DGKI: variants seen among roughly 807,000 people sequenced by gnomAD.
DGKI encodes diacylglycerol kinase iota.
Under a neutral mutation model 147.5 loss-of-function variants are expected in DGKI, and 55 were observed. That is an observed-to-expected ratio of 0.37 (90% CI 0.30 to 0.47). The LOEUF is 0.47. Among genes scored for constraint, DGKI ranks in the 20% least tolerant of loss-of-function variants. The probability of loss-of-function intolerance (pLI) is 1.00; values close to 1 mark genes in which losing one functional copy is unlikely to be tolerated. For synonymous variants in DGKI, 469 were observed against 477.1 expected (o/e 0.98, Z 0.22); for missense variants, 1,007 against 1,323.8 (o/e 0.76, Z 3.71).
rs1383387447 is a variant in DGKI, at chr7:137,638,615, C to CATATGTGTGTATATAT, written c.804+6856_804+6857insATATATACACACATAT. Among the ~76,000 whole-genome samples, 15 of 8,230 alleles carry CATATGTGTGTATATAT rather than the reference C, an allele frequency of 1.8e-3. 2 individuals are homozygous for CATATGTGTGTATATAT. The highest frequency in any genetic ancestry group is 4.4e-3 in the African/African-American group (15 of 3,402). 5.4% of individuals were successfully genotyped at this position (8,230 alleles called of 152,430 possible). ...ATATACATATATGTATATATATACA[C>CATATGTGTGTATATAT]ACACACATATATATGTGTGTATATA... On this transcript the variant is annotated intron_variant, in intron 6 of 32. Coordinates refer to ENST00000614521, the MANE Select transcript of DGKI (RefSeq NM_001321708.2).
At chr7:137,469,438 A>T in intron 24 of DGKI, 112 bp downstream of exon 24, 1 of 1,076,918 alleles carries the variant, frequency 9.3e-7, no homozygotes, top group Non-Finnish European at 1.4e-6. Context: ...GTGGAGTCAC[A>T]TGAAGGCTTT....
At chr7:137,685,784 G>A (rs778828528) in intron 2 of DGKI, among the ~76,000 whole-genome samples, 34 of 152,150 alleles carry the variant, frequency 2.2e-4, no homozygotes, top group Non-Finnish European at 4.3e-4. Context: ...TACTGTGTGC[G>A]CCTTAAAATC....
In DGKI at chr7:137,494,738, G is replaced by T. The variant is rs1815896362; in HGVS notation, c.2249-7049C>A. On this transcript the variant is annotated intron_variant, in intron 21 of 32. Transcript: ENST00000614521. ...AAAACATGCCTAAATACCCAGACCAGTGATACTATAAAGCAATCACACAAA... is the reference window on the plus strand; with the variant it reads ...AAAACATGCCTAAATACCCAGACCATTGATACTATAAAGCAATCACACAAA... Among the ~76,000 whole-genome samples the T allele has an allele frequency of 1.3e-5, 2 of 152,114 alleles. 1 individual carries two copies. Among genetic ancestry groups the T allele is most frequent in the South Asian group, 4.1e-4 (2 of 4,824 alleles).
At chr7:137,551,731 T>C (rs922902801) in intron 20 of DGKI, among the ~76,000 whole-genome samples, 6 of 152,152 alleles carry the variant, frequency 3.9e-5, no homozygotes, top group African/African-American at 1.4e-4. Flanking sequence ...TTAAAATGCC[T>C]AAGAAAGGAA....
At chr7:137,681,819 G>C (rs1275560026) in intron 2 of DGKI, among the ~76,000 whole-genome samples, 2 of 152,404 alleles carry the variant, frequency 1.3e-5, no homozygotes, top group African/African-American at 4.8e-5. Context: ...AGTCCTGCCT[G>C]ATAAAAGTGT....
intron 14 of DGKI, among the ~76,000 whole-genome samples, chr7:137,582,496 A>AG (rs1819239291): frequency 6.6e-6 from 1 of 152,026 alleles, no homozygotes; most frequent in Non-Finnish European, 1.5e-5. Context: ...TATAAAAAAT[A>AG]GGGCAATGTG....
At chr7:137,664,951 A>G (rs1822581450) in intron 3 of DGKI, among the ~76,000 whole-genome samples, 1 of 152,178 alleles carries the variant, frequency 6.6e-6, no homozygotes, top group African/African-American at 2.4e-5. Context: ...TTTGACAAAC[A>G]CCCAAAGGAA....
intron 3 of DGKI, among the ~76,000 whole-genome samples, chr7:137,675,683 CAAAAA>C (rs61282606): frequency 0.46 from 49,117 of 107,476 alleles, 10,192 homozygotes; most frequent in African/African-American, 0.6. Flanking sequence ...AGACTACATC[CAAAAA>C]AAAAAAAAAA....
Position 137,671,201 on chromosome 7 carries a change from A to C in DGKI, c.606+7356T>G, listed in dbSNP as rs187363726. 6.6e-4 allele frequency among the ~76,000 whole-genome samples: 100 copies of C among 152,358 alleles called. 3 individuals carry two copies. Among genetic ancestry groups the C allele is most frequent in the Non-Finnish European group, 2.9e-5 (2 of 68,032 alleles). On this transcript the variant is annotated intron_variant, in intron 3 of 32. Transcript: ENST00000614521. Reference sequence around the variant, plus strand: ...ACTCTTCTTGAAAGTTTCTTCCAAGAATCTAAGGACATGACCAGCATTCCT... The same window carrying C: ...ACTCTTCTTGAAAGTTTCTTCCAAGCATCTAAGGACATGACCAGCATTCCT...
chr7:137,481,540 G>T (rs1815371722), intron 23 of DGKI, among the ~76,000 whole-genome samples: 1 of 152,082 alleles, frequency 6.6e-6, no homozygotes, highest in Non-Finnish European at 1.5e-5. Flanking sequence ...TGACCTCAGA[G>T]ATGGTGTAGG....
intron 1 of DGKI, chr7:137,775,027 G>A (rs574020173): frequency 2.6e-5 from 4 of 151,772 alleles, no homozygotes; most frequent in South Asian, 4.2e-4. Flanking sequence ...CTCCTCACAC[G>A]GTTTTTTTTT....
intron 20 of DGKI, among the ~76,000 whole-genome samples, chr7:137,543,059 A>G (rs1817754887): frequency 6.6e-6 from 1 of 152,202 alleles, no homozygotes; most frequent in South Asian, 2.1e-4. Context: ...ACAGAACCTA[A>G]TGAGAGGTAG....
chr7:137,463,449 A>T, intron 27 of DGKI, 40 bp downstream of exon 27: 1 of 1,607,018 alleles, frequency 6.2e-7, no homozygotes, highest in Non-Finnish European at 8.5e-7. Context: ...CCCAGCAATC[A>T]CAGTGGCACA....
intron 20 of DGKI, among the ~76,000 whole-genome samples, chr7:137,527,106 C>T (rs140711622): frequency 7.9e-5 from 12 of 152,218 alleles, no homozygotes; most frequent in Admixed American, 3.3e-4. Context: ...ATGGTCAGAA[C>T]GCTAAAGTTA....
At chr7:137,569,633 G>A (rs1390688138) in intron 19 of DGKI, among the ~76,000 whole-genome samples, 1 of 149,458 alleles carries the variant, frequency 6.7e-6, no homozygotes, top group Non-Finnish European at 1.5e-5. Flanking sequence ...GGAGGCTGAG[G>A]CAGGAGAATG....
intron 19 of DGKI, among the ~76,000 whole-genome samples, chr7:137,558,102 G>A (rs973060174): frequency 6.6e-6 from 1 of 152,068 alleles, no homozygotes; most frequent in African/African-American, 2.4e-5. Flanking sequence ...TACTCAGCTA[G>A]TCACCAAAAT....
intron 8 of DGKI, among the ~76,000 whole-genome samples, chr7:137,610,240 TTCTC>T: frequency 6.6e-6 from 1 of 152,148 alleles, no homozygotes. Flanking sequence ...TGTTCTTTCT[TTCTC>T]TGTCTAAAGA....
At chr7:137,420,670 G>C (rs1159592801) in intron 28 of DGKI, among the ~76,000 whole-genome samples, 1 of 152,062 alleles carries the variant, frequency 6.6e-6, no homozygotes, top group Non-Finnish European at 1.5e-5. Context: ...ATGGGTGCTT[G>C]TTAGATTGAA....
intron 3 of DGKI, among the ~76,000 whole-genome samples, chr7:137,659,388 C>A (rs1290665853): frequency 1.3e-5 from 2 of 152,144 alleles, no homozygotes; most frequent in Non-Finnish European, 2.9e-5. Context: ...TACATTTCAA[C>A]TGGTTAAAGT....
Sources: allele counts gnomAD v4.1 joint callset (sites outside exome capture counted in the v4.1 genomes callset), GRCh38; gene constraint gnomAD v4.1.1; transcripts MANE v1.5; gene names NCBI Gene and HGNC (gene_info 2026-07-23, HGNC 2026-07-21).